MED23: variants seen among roughly 807,000 people sequenced by gnomAD.
MED23 encodes the protein mediator of RNA polymerase II transcription subunit 23.
Under a neutral mutation model 163.9 loss-of-function variants are expected in MED23, and 105 were observed. The observed-to-expected ratio is 0.64, with a 90% CI of 0.55 to 0.75. The LOEUF is 0.75. Among genes scored for constraint, MED23 ranks in the 30% least tolerant of loss-of-function variants. The probability of loss-of-function intolerance (pLI) is 0.00; values close to 1 mark genes in which losing one functional copy is unlikely to be tolerated. For synonymous variants in MED23, 561 were observed against 565.6 expected (o/e 0.99, Z 0.12); for missense variants, 1,054 against 1,649.0 (o/e 0.64, Z 6.25).
chr6:131,583,642 C>T (rs1194797568), downstream of MED23: 29 of 1,520,074 alleles, frequency 1.9e-5, no homozygotes, highest in Non-Finnish European at 2.5e-5. Flanking sequence ...CCATCGGTTA[C>T]TACCTTTTTC....
intron 26 of MED23, 59 bp from the exon 27 acceptor site, chr6:131,590,501 T>A (rs1227312466): frequency 5.4e-6 from 7 of 1,300,030 alleles, no homozygotes; most frequent in Non-Finnish European, 7.8e-6. Context: ...GTTTGAATTT[T>A]GTTCATACAG....
intron 20 of MED23, 150 bp from the exon 21 acceptor site, chr6:131,596,838 T>C (rs1775085647): frequency 1.4e-6 from 1 of 737,060 alleles, no homozygotes; most frequent in East Asian, 2.7e-5. Context: ...TGTTCAGTAT[T>C]CCCCAAACAT....
At chr6:131,574,726 C>T (rs1364144602) in intron 30 of MED23, among the ~76,000 whole-genome samples, 1 of 152,126 alleles carries the variant, frequency 6.6e-6, no homozygotes, top group Non-Finnish European at 1.5e-5. Context: ...GATTAGAGGG[C>T]AGATGACTAA....
In MED23 at chr6:131,603,037, G is replaced by A. The variant is rs1276328623; in HGVS notation, c.1924C>T (p.His642Tyr). The A allele has an allele frequency of 6.2e-7, 1 of 1,613,712 alleles. No homozygotes were observed. Among genetic ancestry groups the A allele is most frequent in the East Asian group, 2.2e-5 (1 of 44,876 alleles). Residue 642 changes from histidine to tyrosine, a missense_variant, in exon 16 of 29, where the codon CAT becomes TAT. His to Tyr is a moderately conservative substitution (Grantham distance 83). Coordinates refer to ENST00000368068, the MANE Select transcript of MED23 (RefSeq NM_004830.4). The stretch of plus-strand genomic sequence containing the variant: ...GGTCTTCAATGAGCTCACCAAAGAT[G>A]GAGCTGGTTCTGGTTTGTTTGTGCA... ...AVAQTNQNQL[H>Y]LCVESTALRL...
chr6:131,620,866 A>C, intron 6 of MED23, 137 bp from the exon 7 acceptor site: 1 of 541,970 alleles, frequency 1.8e-6, no homozygotes, highest in South Asian at 2.5e-5. Flanking sequence ...GCAGTGGCGT[A>C]ATCATGGCTC....
At position 131,598,201 on chromosome 6, in the gene MED23, A is replaced by G. The variant is rs1442037680; in HGVS notation, c.2607+86T>C. On this transcript the variant is annotated intron_variant, in intron 20 of 28. Coordinates refer to ENST00000368068, the MANE Select transcript of MED23 (RefSeq NM_004830.4). The surrounding 1 kb of genome is among the most constrained non-coding windows in gnomAD (Gnocchi z 4.7). The stretch of plus-strand genomic sequence containing the variant: ...TAGTATAAATTCATTAAATCCTTCA[A>G]AGCAATATAGAGCAGATTGGCATAA... The G allele has an allele frequency of 2.1e-5, 27 of 1,307,420 alleles. No homozygotes were observed. In the Admixed American group the frequency reaches 4.3e-4, roughly 21 times the overall value. The allele number at this position is 1,307,420 out of a possible 1,614,324, so 81.0% of individuals were successfully genotyped here. A position where few individuals can be genotyped will look rare whatever the true frequency, so the allele number is the denominator to read the frequency against.
At chr6:131,576,154 G>A (rs547605356) in intron 30 of MED23, among the ~76,000 whole-genome samples, 11 of 152,300 alleles carry the variant, frequency 7.2e-5, no homozygotes, top group African/African-American at 2.6e-4. Flanking sequence ...GTCCCCAACA[G>A]TGTTAAGGGC....
chr6:131,609,451 A>G (rs1776099016), intron 11 of MED23, among the ~76,000 whole-genome samples: 1 of 146,506 alleles, frequency 6.8e-6, no homozygotes, highest in Admixed American at 6.8e-5. Context: ...TTCAAGTGTT[A>G]GCTTAAAGAT....
intron 26 of MED23, 65 bp downstream of exon 26, chr6:131,591,248 G>A: frequency 7.8e-7 from 1 of 1,279,822 alleles, no homozygotes; most frequent in Non-Finnish European, 1.1e-6. Flanking sequence ...AAAGTGCTGG[G>A]ATTACAGGCA....
chr6:131,623,022 C>G (rs946512732), intron 5 of MED23, among the ~76,000 whole-genome samples: 11 of 152,218 alleles, frequency 7.2e-5, no homozygotes, highest in Non-Finnish European at 1.5e-4. Context: ...GCCTACATCC[C>G]TTCTCAGTTC....
chr6:131,603,401 G>C (rs768163517), intron 15 of MED23, among the ~76,000 whole-genome samples, 197 bp from the exon 16 acceptor site: 1 of 151,982 alleles, frequency 6.6e-6, no homozygotes, highest in Non-Finnish European at 1.5e-5. Context: ...ATAATATCAA[G>C]TTTGCTTTTT....
intron 15 of MED23, 144 bp downstream of exon 15, chr6:131,604,034 T>C (rs1174903649): frequency 1.6e-5 from 13 of 800,400 alleles, no homozygotes; most frequent in East Asian, 1.5e-4. Flanking sequence ...TGACATATTG[T>C]ATATTTCATT....
chr6:131,622,880 G>C (rs1777209651), intron 5 of MED23, among the ~76,000 whole-genome samples: 1 of 152,162 alleles, frequency 6.6e-6, no homozygotes, highest in Admixed American at 6.5e-5. Flanking sequence ...GAGTCCCTAA[G>C]CCGTTTTATG....
At chr6:131,597,774 ACTT>A (rs1775176394) in intron 20 of MED23, among the ~76,000 whole-genome samples, 1 of 152,130 alleles carries the variant, frequency 6.6e-6, no homozygotes, top group African/African-American at 2.4e-5. Flanking sequence ...TTCAATATGT[ACTT>A]ATTAAATGAA....
chr6:131,604,900 T>C (rs1260735738), intron 14 of MED23, among the ~76,000 whole-genome samples: 1 of 152,092 alleles, frequency 6.6e-6, no homozygotes, highest in Admixed American at 6.6e-5. Flanking sequence ...AGACTACTAA[T>C]AAAAAATCTG....
downstream of MED23, chr6:131,584,275 G>GC: frequency 4.0e-6 from 1 of 249,242 alleles, no homozygotes; most frequent in Non-Finnish European, 7.8e-6. Context: ...AAGGTACTAT[G>GC]TGTCCATGTC....
downstream of MED23, chr6:131,586,698 A>T (rs991896465): frequency 2.9e-6 from 4 of 1,365,648 alleles, no homozygotes; most frequent in African/African-American, 1.5e-5. Flanking sequence ...CCAGCACACC[A>T]CCTGGCACAC....
At chr6:131,625,702 A>T (rs540142905) in intron 3 of MED23, among the ~76,000 whole-genome samples, 125 of 152,242 alleles carry the variant, frequency 8.2e-4, no homozygotes, top group Middle Eastern at 6.8e-3. Flanking sequence ...ATTTTTTTTT[A>T]AATTTTGGAA....
intron 5 of MED23, 68 bp downstream of exon 5, chr6:131,623,283 T>A: frequency 8.3e-7 from 1 of 1,211,492 alleles, no homozygotes; most frequent in Non-Finnish European, 1.2e-6. Flanking sequence ...CACCTGAAAA[T>A]AAGACATGCA....
Sources: allele counts gnomAD v4.1 joint callset (sites outside exome capture counted in the v4.1 genomes callset), GRCh38; gene constraint gnomAD v4.1.1; non-coding constraint Gnocchi (gnomAD v3.1); transcripts MANE v1.5; gene names NCBI Gene and HGNC (gene_info 2026-07-23, HGNC 2026-07-21).